The following ZNF578 variants were observed in gnomAD, a reference collection of about 807,000 sequenced individuals.
The protein encoded by ZNF578 is zinc finger protein 578, also known as Putative chemokine-related protein B42.
A neutral mutation model predicts 8.3 loss-of-function variants in ZNF578; 8 were observed. The ratio of observed to expected loss-of-function variants is 0.96; its 90% CI spans 0.56 to 1.74. The LOEUF is 1.74. Ranked by LOEUF, ZNF578 falls within the 40% of genes most tolerant of loss-of-function variation. ZNF578 has a pLI of 0.00. For missense variants in ZNF578, 726 were observed against 707.5 expected (o/e 1.03, Z -0.30); for synonymous variants, 206 against 232.2 (o/e 0.89, Z 1.03).
At chr19:52,486,195 C>T (rs927453323) in intron 2 of ZNF578, among the ~76,000 whole-genome samples, 3 of 152,200 alleles carry the variant, frequency 2.0e-5, no homozygotes, top group African/African-American at 2.4e-5. Context: ...ATCAAAGGCA[C>T]AGCACTTTTT....
chr19:52,454,106 C>A (rs563395079), intron 1 of ZNF578: 1 of 152,236 alleles, frequency 6.6e-6, no homozygotes, highest in Non-Finnish European at 1.5e-5. Flanking sequence ...ATTCCTTACC[C>A]CGCATTGAGG....
In ZNF578 at chr19:52,495,938, A is replaced by G. The variant is rs190939753; in HGVS notation, c.-20+4513A>G. Among the ~76,000 whole-genome samples, 586 of 152,264 alleles carry G rather than the reference A, an allele frequency of 3.8e-3. 5 individuals are homozygous for G. The highest frequency in any genetic ancestry group is 0.013 in the African/African-American group (553 of 41,550). On this transcript the variant is annotated intron_variant, in intron 3 of 5. Transcript: ENST00000421239. ...CTGTTACTATATGGAACGTGATGAAAGGAGTATTAAAGTGCTTTTTTTCTC... is the reference window on the plus strand; with the variant it reads ...CTGTTACTATATGGAACGTGATGAAGGGAGTATTAAAGTGCTTTTTTTCTC...
chr19:52,494,300 A>C (rs2059377920), intron 3 of ZNF578, among the ~76,000 whole-genome samples: 1 of 152,098 alleles, frequency 6.6e-6, no homozygotes, highest in South Asian at 2.1e-4. Flanking sequence ...TAGCCTAGGC[A>C]AAATAGTGAG....
chr19:52,497,733 A>G (rs897951112), intron 3 of ZNF578, among the ~76,000 whole-genome samples: 3 of 152,246 alleles, frequency 2.0e-5, no homozygotes, highest in African/African-American at 7.2e-5. Context: ...TGTGTACTTG[A>G]TAATGATATC....
intron 2 of ZNF578, among the ~76,000 whole-genome samples, chr19:52,463,069 A>G (rs759461052): frequency 1.3e-5 from 2 of 152,018 alleles, no homozygotes; most frequent in Non-Finnish European, 2.9e-5. Context: ...AATATTCCCT[A>G]TCTCCCCCTA....
rs536104765 is a variant in ZNF578, at chr19:52,510,936, C to T, written c.555C>T (p.Asn185=). 47 of 1,614,202 alleles carry T rather than the reference C, an allele frequency of 2.9e-5. No individual in the cohort carries two copies. Among genetic ancestry groups the T allele is most frequent in the Middle Eastern group, 3.3e-4 (2 of 6,062 alleles). Residue 185 remains asparagine, a synonymous_variant, in exon 6 of 6, where the codon AAC becomes AAT. Coordinates refer to ENST00000421239, the MANE Select transcript of ZNF578 (RefSeq NM_001099694.2). The part of the protein sequence containing the change: ...KIANQVEKSV[N]DASSISTSQR... ...CTAATCAAGTGGAGAAGTCTGTCAA[C>T]GATGCTTCCTCAATTTCAACATCCC...
chr19:52,507,788 G>A (rs1360787316), intron 5 of ZNF578, among the ~76,000 whole-genome samples: 1 of 152,168 alleles, frequency 6.6e-6, no homozygotes, highest in Non-Finnish European at 1.5e-5. Context: ...GCTGGCTCAT[G>A]AGTGTAATCC....
intron 5 of ZNF578, among the ~76,000 whole-genome samples, chr19:52,507,108 A>G (rs1166567418): frequency 6.6e-6 from 1 of 152,096 alleles, no homozygotes; most frequent in Admixed American, 6.6e-5. Context: ...AAAAAACTGG[A>G]TGGTCGTGAT....
rs2059467731 is a variant in ZNF578, at chr19:52,515,029, C to T, written c.*2875C>T. On this transcript the variant is annotated 3_prime_UTR_variant, in exon 6 of 6. Transcript: ENST00000421239. ...TGAGGCTGGAGTGCAATGGTGCGAT[C>T]TGGTGTCACTCCAATGTCTTCCTCC... Among the ~76,000 whole-genome samples the T allele has an allele frequency of 7.0e-6, 1 of 143,740 alleles. No homozygotes were observed. The highest frequency in any genetic ancestry group is 2.2e-4 in the South Asian group (1 of 4,532). The allele number at this position is 143,740 out of a possible 152,430, so 94.3% of individuals were successfully genotyped here. A position where few individuals can be genotyped will look rare whatever the true frequency, so the allele number is the denominator to read the frequency against.
rs927853617 is a variant in ZNF578 at position 52,463,076 on chromosome 19, C to G, written c.-122+6118C>G. 6.6e-5 allele frequency among the ~76,000 whole-genome samples: 10 copies of G among 152,124 alleles called. No homozygotes were observed. In the South Asian group the frequency reaches 1.9e-3, roughly 28 times the overall value. On this transcript the variant is annotated intron_variant, in intron 2 of 5. Coordinates refer to ENST00000421239, the MANE Select transcript of ZNF578 (RefSeq NM_001099694.2). ...AGGGGTGGAATATTCCCTATCTCCC[C>G]CTATCTCCTGTTTATGTAATTGCAT...
chr19:52,468,377 G>A (rs542017169), intron 2 of ZNF578, among the ~76,000 whole-genome samples: 6 of 152,148 alleles, frequency 3.9e-5, no homozygotes, highest in Non-Finnish European at 7.4e-5. Context: ...TATTTCACAA[G>A]CATTTTCAAC....
intron 3 of ZNF578, among the ~76,000 whole-genome samples, chr19:52,493,128 G>T (rs988098467): frequency 6.6e-6 from 1 of 151,912 alleles, no homozygotes; most frequent in African/African-American, 2.4e-5. Context: ...ACCTTTTTCT[G>T]ACTCTCCCGC....
intron 3 of ZNF578, 44 bp from the exon 4 acceptor site, chr19:52,501,783 T>C: frequency 6.3e-7 from 1 of 1,591,590 alleles, no homozygotes; most frequent in South Asian, 1.1e-5. Flanking sequence ...AGGAAGGGAG[T>C]GAGTCATATC....
At chr19:52,459,715 G>GTGTGTGTATA (rs2059250765) in intron 2 of ZNF578, among the ~76,000 whole-genome samples, 1 of 6,630 alleles carries the variant, frequency 1.5e-4, no homozygotes, top group African/African-American at 3.3e-4. Flanking sequence ...ATGTAGATAT[G>GTGTGTGTATA]TGTGTGTGTG....
intron 2 of ZNF578, among the ~76,000 whole-genome samples, chr19:52,459,731 G>A (rs1468035453): frequency 3.0e-3 from 66 of 22,016 alleles, no homozygotes; most frequent in Non-Finnish European, 5.3e-3. Context: ...GTGTGTGTGT[G>A]TGTGTGTGTG....
intron 2 of ZNF578, among the ~76,000 whole-genome samples, chr19:52,464,115 A>G (rs2059267046): frequency 6.6e-6 from 1 of 152,178 alleles, no homozygotes; most frequent in Non-Finnish European, 1.5e-5. Flanking sequence ...TTGCCATCTG[A>G]TCTAAATATA....
chr19:52,479,403 C>T (rs995086690), intron 2 of ZNF578, among the ~76,000 whole-genome samples: 50 of 151,770 alleles, frequency 3.3e-4, no homozygotes, highest in Admixed American at 1.3e-3. Flanking sequence ...GGTGTGGTGG[C>T]GGGCGCCCGA....
chr19:52,513,159 T>C lies in ZNF578; in HGVS notation c.*1005T>C, dbSNP rs1283054155. 6.6e-6 allele frequency among the ~76,000 whole-genome samples: 1 copy of C among 152,060 alleles called. No individual in the cohort carries two copies. The highest frequency in any genetic ancestry group is 1.9e-4 in the East Asian group (1 of 5,178). ...CCTCAGCCTCCCTAGTTGCTGGGAT[T>C]ACAGGTATATGCCACGACGCCTGGC... On this transcript the variant is annotated 3_prime_UTR_variant, in exon 6 of 6. Transcript: ENST00000421239.
At chr19:52,487,582 G>A (rs2059349855) in intron 2 of ZNF578, among the ~76,000 whole-genome samples, 1 of 152,150 alleles carries the variant, frequency 6.6e-6, no homozygotes, top group Admixed American at 6.5e-5. Flanking sequence ...AGGAGGGCAA[G>A]GGGTAGTGAA....
Sources: allele counts gnomAD v4.1 joint callset (sites outside exome capture counted in the v4.1 genomes callset), GRCh38; gene constraint gnomAD v4.1.1; transcripts MANE v1.5; gene names NCBI Gene and HGNC (gene_info 2026-07-23, HGNC 2026-07-21).